ZPBP: variants seen among roughly 807,000 people sequenced by gnomAD.
ZPBP encodes zona pellucida-binding protein 1.
A neutral mutation model predicts 44.8 loss-of-function variants in ZPBP; 26 were observed. The observed-to-expected ratio is 0.58, with a 90% CI of 0.43 to 0.81. The LOEUF (loss-of-function observed/expected upper bound fraction) is 0.81. Among genes scored for constraint, ZPBP ranks in the 30% least tolerant of loss-of-function variants. The pLI, the probability that ZPBP is intolerant of heterozygous loss-of-function variation, is 0.00. For synonymous variants in ZPBP, 174 were observed against 153.2 expected, an observed-to-expected ratio of 1.14 and a Z score of -1.00; for missense variants, 409 against 434.0, an observed-to-expected ratio of 0.94 and a Z score of 0.51.
At chr7:50,034,396 T>C (rs1001096670) in intron 4 of ZPBP, among the ~76,000 whole-genome samples, 5 of 152,152 alleles carry the variant, frequency 3.3e-5, no homozygotes, top group East Asian at 1.9e-4. Flanking sequence ...CAACAACTTA[T>C]GTATGTACAG....
intron 7 of ZPBP, among the ~76,000 whole-genome samples, chr7:49,960,679 T>C (rs1469795498): frequency 6.6e-6 from 1 of 152,024 alleles, no homozygotes; most frequent in Non-Finnish European, 1.5e-5. Context: ...CACTTAAAAA[T>C]GGGAAAGATA....
intron 3 of ZPBP, among the ~76,000 whole-genome samples, chr7:50,076,836 A>G (rs1023934854): frequency 1.3e-5 from 2 of 151,950 alleles, no homozygotes; most frequent in African/African-American, 4.8e-5. Flanking sequence ...AGCAATCTGG[A>G]GATTCAATGC....
At chr7:50,039,459 G>A (rs1799968762) in intron 4 of ZPBP, among the ~76,000 whole-genome samples, 1 of 152,120 alleles carries the variant, frequency 6.6e-6, no homozygotes, top group Non-Finnish European at 1.5e-5. Flanking sequence ...AGGTAGTTAT[G>A]TAATCAAAAA....
rs73347098 is a variant in ZPBP at position 49,937,641 on chromosome 7, T to A, written c.962-19A>T. On this transcript the variant is annotated intron_variant, in intron 7 of 7. Transcript: ENST00000046087. ...CAGATCACTGTGAAAAAAGAGTAAG[T>A]TAATAAGTAGTATTTTCCTAATACA... 2.4e-3 allele frequency: 3,862 copies of A among 1,584,826 alleles called. 95 individuals carry two copies. In the African/African-American group the frequency reaches 0.045, roughly 18 times the overall value.
intron 2 of ZPBP, among the ~76,000 whole-genome samples, chr7:50,083,355 T>C (rs1319296629): frequency 2.0e-5 from 3 of 151,980 alleles, no homozygotes; most frequent in African/African-American, 7.2e-5. Flanking sequence ...ATCTTCAGGC[T>C]CTAACAAAAG....
At chr7:49,936,871 T>G (rs917616517), downstream of ZPBP, among the ~76,000 whole-genome samples, 1 of 152,208 alleles carries the variant, frequency 6.6e-6, no homozygotes, top group Non-Finnish European at 1.5e-5. Context: ...TTGCTTTTTT[T>G]CATTCTCTCT....
At chr7:49,982,543 T>C (rs1330993138) in intron 7 of ZPBP, among the ~76,000 whole-genome samples, 2 of 150,650 alleles carry the variant, frequency 1.3e-5, no homozygotes, top group Non-Finnish European at 3.0e-5. Context: ...TGTAGCCAAG[T>C]CAAAGAAAAC....
chr7:49,930,168 G>T (rs1450217406), intron 1 of ZPBP, among the ~76,000 whole-genome samples: 1 of 152,172 alleles, frequency 6.6e-6, no homozygotes, highest in Non-Finnish European at 1.5e-5. Context: ...AGGACTGGGG[G>T]CAAGAGTACA....
chr7:50,010,800 C>T (rs936681677), intron 6 of ZPBP, among the ~76,000 whole-genome samples: 3 of 149,100 alleles, frequency 2.0e-5, no homozygotes, highest in Non-Finnish European at 3.0e-5. Context: ...AAATTCAATG[C>T]AATTCCCATC....
intron 2 of ZPBP, among the ~76,000 whole-genome samples, chr7:49,895,087 A>G (rs1250980312): frequency 6.6e-6 from 1 of 152,180 alleles, no homozygotes; most frequent in Non-Finnish European, 1.5e-5. Flanking sequence ...TCAGAAATGT[A>G]TTTTCTCACA....
intron 2 of ZPBP, among the ~76,000 whole-genome samples, chr7:49,887,476 T>A (rs1285146598): frequency 6.6e-6 from 1 of 150,514 alleles, no homozygotes; most frequent in East Asian, 1.9e-4. Context: ...TGGATTACAA[T>A]GTTTTTGTTT....
intron 1 of ZPBP, among the ~76,000 whole-genome samples, chr7:49,926,882 C>G (rs1162516342): frequency 6.6e-6 from 1 of 152,200 alleles, no homozygotes; most frequent in Non-Finnish European, 1.5e-5. Context: ...GAGCGGCCCT[C>G]CAGCCATAGC....
At chr7:50,027,993 A>C (rs1446314794) in intron 5 of ZPBP, among the ~76,000 whole-genome samples, 1 of 152,082 alleles carries the variant, frequency 6.6e-6, no homozygotes, top group African/African-American at 2.4e-5. Flanking sequence ...AAGAAGAATT[A>C]AATAAAATTC....
At chr7:49,918,409 T>G (rs1267281005) in intron 1 of ZPBP, 3 of 152,224 alleles carry the variant, frequency 2.0e-5, no homozygotes, top group Non-Finnish European at 4.4e-5. Flanking sequence ...CACTGATCCC[T>G]AATTCTAGAA....
downstream of ZPBP, among the ~76,000 whole-genome samples, chr7:49,935,559 C>T (rs1200191436): frequency 5.3e-5 from 8 of 152,036 alleles, no homozygotes; most frequent in East Asian, 1.9e-4. Flanking sequence ...CCACCACGCC[C>T]GGCTAATTTT....
chr7:49,854,112 C>T, intron 2 of ZPBP, among the ~76,000 whole-genome samples: 1 of 152,054 alleles, frequency 6.6e-6, no homozygotes, highest in African/African-American at 2.4e-5. Context: ...TCCAGTCTAT[C>T]ATTGATGGAC....
intron 5 of ZPBP, among the ~76,000 whole-genome samples, chr7:50,022,341 G>A (rs879589572): frequency 2.0e-5 from 3 of 151,698 alleles, no homozygotes; most frequent in Admixed American, 1.3e-4. Context: ...TATGTTAGTG[G>A]ATACACAATA....
chr7:50,028,254 C>A (rs1799425503), intron 5 of ZPBP, among the ~76,000 whole-genome samples: 1 of 149,662 alleles, frequency 6.7e-6, no homozygotes, highest in Non-Finnish European at 1.5e-5. Context: ...AAATAGAGTA[C>A]AATGCATTAA....
chr7:50,004,604 T>G (rs1798226845), intron 6 of ZPBP, among the ~76,000 whole-genome samples: 1 of 151,960 alleles, frequency 6.6e-6, no homozygotes, highest in Non-Finnish European at 1.5e-5. Context: ...TAGACAGAAA[T>G]AATAAAACCA....
Sources: gnomAD v4.1 joint callset for allele counts (sites outside exome capture counted in the v4.1 genomes callset) on GRCh38, gnomAD v4.1.1 for gene constraint, MANE v1.5 for transcripts, NCBI Gene and HGNC (gene_info 2026-07-23, HGNC 2026-07-21) for gene names.